NCKAP5L: variants seen among roughly 807,000 people sequenced by gnomAD.
NCKAP5L encodes the protein nck-associated protein 5-like.
NCKAP5L carries 54 observed loss-of-function variants against 103.2 expected under a neutral mutation model. That is an observed-to-expected ratio of 0.52 (90% CI 0.42 to 0.66). NCKAP5L has a LOEUF of 0.66. NCKAP5L is among the 30% of genes least tolerant of loss of function. NCKAP5L has a pLI of 0.00. For missense variants in NCKAP5L, 1,733 were observed against 1,750.6 expected (o/e 0.99, Z 0.18); for synonymous variants, 762 against 748.6 (o/e 1.02, Z -0.29).
In NCKAP5L at chr12:49,795,035, T is replaced by A. The variant is rs753060356; in HGVS notation, c.2825A>T (p.Glu942Val). ...NRRTEATKNK[E>V]GAGGGSPLRR... The stretch of plus-strand genomic sequence containing the variant: ...GAGCGGGGAGCCCCCGCCAGCCCCC[T>A]CCTTGTTCTTGGTGGCCTCTGTGCG... The change falls in exon 8 of 13, where the codon GAG becomes GTG. Residue 942 changes from glutamate (E) to valine (V), a missense_variant. By Grantham distance (121) the Glu-to-Val change is moderately radical. Transcript: ENST00000335999. 6.2e-7 allele frequency: 1 copy of A among 1,609,334 alleles called. No homozygotes were observed. The highest frequency in any genetic ancestry group is 2.2e-5 in the East Asian group (1 of 44,730).
intron 1 of NCKAP5L, among the ~76,000 whole-genome samples, chr12:49,827,246 C>T (rs1946427739): frequency 6.6e-6 from 1 of 152,206 alleles, no homozygotes; most frequent in African/African-American, 2.4e-5. Flanking sequence ...TCTGGCTGAC[C>T]ATTGTGCTTA....
Position 49,797,499 on chromosome 12 carries a change from T to C in NCKAP5L, c.466-105A>G. On this transcript the variant is annotated intron_variant, in intron 7 of 12. Transcript: ENST00000335999. The surrounding 1 kb of genome is among the most constrained non-coding windows in gnomAD (Gnocchi z 4.5). ...TAACAGGGAATGCCAGGAACAGAGC[T>C]GGCCTGGTTGTGTCTGTGTCCCCAA... 1 of 830,008 alleles carries C rather than the reference T, an allele frequency of 1.2e-6. No homozygotes were observed. Among genetic ancestry groups the C allele is most frequent in the East Asian group, 2.7e-5 (1 of 37,524 alleles). The allele number at this position is 830,008 out of a possible 1,614,324, so 51.4% of individuals were successfully genotyped here. A position where few individuals can be genotyped will look rare whatever the true frequency, so the allele number is the denominator to read the frequency against.
chr12:49,820,677 A>G (rs1228228953), intron 1 of NCKAP5L, among the ~76,000 whole-genome samples: 1 of 152,132 alleles, frequency 6.6e-6, no homozygotes, highest in Non-Finnish European at 1.5e-5. Flanking sequence ...TGCCTTCTGC[A>G]CTCAAGCAAC....
chr12:49,793,602 CAGTCTCCCCGTAG>C, intron 9 of NCKAP5L, 119 bp downstream of exon 9: 1 of 1,318,336 alleles, frequency 7.6e-7, no homozygotes, highest in African/African-American at 1.5e-5. Context: ...CTCCCCTCCC[CAGTCTCCCCGTAG>C]AGACTGTGAG....
In NCKAP5L at chr12:49,795,586, C is replaced by T; in HGVS notation, c.2274G>A (p.Gly758=). 2 of 1,560,484 alleles carry T rather than the reference C, an allele frequency of 1.3e-6. No homozygotes were observed. Among genetic ancestry groups the T allele is most frequent in the Non-Finnish European group, 8.7e-7 (1 of 1,155,796 alleles). Residue 758 remains glycine, a synonymous_variant, in exon 8 of 13, where the codon GGG becomes GGA. Coordinates refer to ENST00000335999, the MANE Select transcript of NCKAP5L (RefSeq NM_001037806.4). ...AGACAGGCTCCAGGTCCACCCGGGC[C>T]CCCATGGAGTGAGAGGAGTAGACTC... is the stretch of plus-strand genomic sequence containing the variant. ...GARVYSSHSM[G]ARVDLEPVSP... is the part of the protein sequence containing the mutation.
chr12:49,814,611 C>CA (rs1379624306), intron 1 of NCKAP5L, among the ~76,000 whole-genome samples: 4 of 152,072 alleles, frequency 2.6e-5, no homozygotes, highest in Non-Finnish European at 1.5e-5. Context: ...CTGCTCCTCC[C>CA]ACCCCTCTTC....
Position 49,791,245 on chromosome 12 carries a change from G to C in NCKAP5L, c.*594C>G, listed in dbSNP as rs1204692860. The C allele has an allele frequency of 6.5e-6, 1 of 152,962 alleles. No individual in the cohort carries two copies. The highest frequency in any genetic ancestry group is 2.4e-5 in the African/African-American group (1 of 41,466). 9.5% of individuals were successfully genotyped at this position (152,962 alleles called of 1,614,324 possible). A position where few individuals can be genotyped will look rare whatever the true frequency, so the allele number is the denominator to read the frequency against. On this transcript the variant is annotated 3_prime_UTR_variant, in exon 13 of 13. Coordinates refer to ENST00000335999, the MANE Select transcript of NCKAP5L (RefSeq NM_001037806.4). The stretch of plus-strand genomic sequence containing the variant: ...ACAACACATAAATTAACCGCAGTGC[G>C]GGGCTGGGGGCTGGGGGCTGGGCCA...
Position 49,807,647 on chromosome 12 carries a change from A to G in NCKAP5L, c.-98-1606T>C, listed in dbSNP as rs372445390. On this transcript the variant is annotated intron_variant, in intron 1 of 12. Coordinates refer to ENST00000335999, the MANE Select transcript of NCKAP5L (RefSeq NM_001037806.4). ...TATACAGGCCTGGAAAAAAAATGAA[A>G]AATATTTAAGAATTATCTTCCTTCC... 6.6e-5 allele frequency among the ~76,000 whole-genome samples: 10 copies of G among 152,378 alleles called. No individual in the cohort carries two copies. The South Asian group carries it at 2.1e-3, about 32-fold the overall frequency.
chr12:49,820,167 G>A (rs1255209522), intron 1 of NCKAP5L, among the ~76,000 whole-genome samples: 1 of 152,182 alleles, frequency 6.6e-6, no homozygotes, highest in African/African-American at 2.4e-5. Flanking sequence ...GGTGATGGCA[G>A]AGCTGACCAC....
At position 49,803,136 on chromosome 12, in the gene NCKAP5L, G is replaced by T. The variant is rs375380248; in HGVS notation, c.153C>A (p.Asn51Lys). ...GCTCATAAGTCTCCCGCTGGTTTTC[G>T]TTGGCCTGGGCAAGTGCCGAGTTCT... Reference protein sequence around the residue: ...EAENSALAQANENQRETYERC... With the variant: ...EAENSALAQAKENQRETYERC... The change falls in exon 4 of 13, where the codon AAC (asparagine) becomes AAA (lysine). Residue 51 changes from asparagine (N) to lysine (K), a missense_variant. By Grantham distance (94) the Asn-to-Lys change is moderately conservative. Coordinates refer to ENST00000335999, the MANE Select transcript of NCKAP5L (RefSeq NM_001037806.4). The T allele has an allele frequency of 1.9e-6, 3 of 1,614,128 alleles. No homozygotes were observed. Among genetic ancestry groups the T allele is most frequent in the Non-Finnish European group, 2.5e-6 (3 of 1,180,048 alleles).
At chr12:49,812,683 A>T (rs1946254157) in intron 1 of NCKAP5L, among the ~76,000 whole-genome samples, 1 of 152,120 alleles carries the variant, frequency 6.6e-6, no homozygotes, top group Non-Finnish European at 1.5e-5. Flanking sequence ...CCCAGCCTCC[A>T]TTCCTTTGTA....
chr12:49,807,955 C>T (rs1393017619), intron 1 of NCKAP5L, among the ~76,000 whole-genome samples: 2 of 152,168 alleles, frequency 1.3e-5, no homozygotes, highest in Non-Finnish European at 2.9e-5. Context: ...CGCTAAGGAC[C>T]GGGAAACCCT....
chr12:49,808,735 C>T (rs1438426971), intron 1 of NCKAP5L, among the ~76,000 whole-genome samples: 2 of 152,236 alleles, frequency 1.3e-5, no homozygotes, highest in Non-Finnish European at 2.9e-5. Flanking sequence ...TCAGGACCCA[C>T]AGCTCCTGCT....
Position 49,791,583 on chromosome 12 carries a change from T to C in NCKAP5L, c.*256A>G. On this transcript the variant is annotated 3_prime_UTR_variant, in exon 13 of 13. Transcript: ENST00000335999. ...CGACACAGTGGCCTTTAACCCCCAG[T>C]CCCTTCCAGGAAGAGCCTTACTCTG... 1 of 384,776 alleles carries C rather than the reference T, an allele frequency of 2.6e-6. No individual in the cohort carries two copies. The highest frequency in any genetic ancestry group is 4.6e-6 in the Non-Finnish European group (1 of 215,436). 23.8% of individuals were successfully genotyped at this position (384,776 alleles called of 1,614,324 possible). A position where few individuals can be genotyped will look rare whatever the true frequency, so the allele number is the denominator to read the frequency against.
chr12:49,792,152 G>T lies in NCKAP5L; in HGVS notation c.3793-101C>A. 1 of 1,180,172 alleles carries T rather than the reference G, an allele frequency of 8.5e-7. No individual in the cohort carries two copies. The highest frequency in any genetic ancestry group is 1.5e-5 in the South Asian group (1 of 67,154). The allele number at this position is 1,180,172 out of a possible 1,614,324, so 73.1% of individuals were successfully genotyped here. A position where few individuals can be genotyped will look rare whatever the true frequency, so the allele number is the denominator to read the frequency against. Reference sequence around the variant, plus strand: ...GGGGCGTCTGTGCACCTGATGGGGGGCTGCTCCAGAGGGGGCCCAAGGTGG... The same window carrying T: ...GGGGCGTCTGTGCACCTGATGGGGGTCTGCTCCAGAGGGGGCCCAAGGTGG... On this transcript the variant is annotated intron_variant, in intron 12 of 12. Transcript: ENST00000335999. This position sits in a 1 kb window ranked among gnomAD's most constrained non-coding sequence, Gnocchi z 4.5.
At chr12:49,806,627 C>A (rs571505270) in intron 1 of NCKAP5L, among the ~76,000 whole-genome samples, 1 of 152,320 alleles carries the variant, frequency 6.6e-6, no homozygotes, top group Non-Finnish European at 1.5e-5. Flanking sequence ...GAGGATATTG[C>A]CCAAGTCACA....
rs756865909 is a variant in NCKAP5L, at chr12:49,795,994, A to T, written c.1866T>A (p.Ser622Arg). 4 of 1,536,468 alleles carry T rather than the reference A, an allele frequency of 2.6e-6. No individual in the cohort carries two copies. The highest frequency in any genetic ancestry group is 3.5e-6 in the Non-Finnish European group (4 of 1,148,092). ...SYPYGSPQEK[S>R]LDKAGSESPH... Reference sequence around the variant, plus strand: ...GAGACTCCGAGCCTGCCTTGTCCAAACTCTTCTCTTGGGGGCTCCCATAGG... The same window carrying T: ...GAGACTCCGAGCCTGCCTTGTCCAATCTCTTCTCTTGGGGGCTCCCATAGG... Residue 622 changes from serine (S) to arginine (R), a missense_variant, in exon 8 of 13, where the codon AGT (serine) becomes AGA (arginine). Ser to Arg is a moderately radical substitution (Grantham distance 110). Transcript: ENST00000335999.
rs1202357735 is a variant in NCKAP5L, at chr12:49,792,614, A to G, written c.3650-26T>C. Reference sequence around the variant, plus strand: ...CTGTCCAGGAACAAAGGGAAGGTGGATGGAGCTGCCTGGGCAGCTCCAGGA... The same window carrying G: ...CTGTCCAGGAACAAAGGGAAGGTGGGTGGAGCTGCCTGGGCAGCTCCAGGA... On this transcript the variant is annotated intron_variant, in intron 11 of 12. Coordinates refer to ENST00000335999, the MANE Select transcript of NCKAP5L (RefSeq NM_001037806.4). The surrounding 1 kb of genome is among the most constrained non-coding windows in gnomAD (Gnocchi z 4.5). The G allele has an allele frequency of 4.3e-6, 7 of 1,613,432 alleles. No individual in the cohort carries two copies. Among genetic ancestry groups the G allele is most frequent in the Non-Finnish European group, 5.1e-6 (6 of 1,179,648 alleles).
intron 1 of NCKAP5L, among the ~76,000 whole-genome samples, chr12:49,817,365 T>G (rs1167216376): frequency 6.6e-6 from 1 of 152,102 alleles, no homozygotes; most frequent in Non-Finnish European, 1.5e-5. Context: ...CACAAAAGAA[T>G]TACTTTGATA....
Sources: gnomAD v4.1 joint callset for allele counts (sites outside exome capture counted in the v4.1 genomes callset) on GRCh38, gnomAD v4.1.1 for gene constraint, Gnocchi (gnomAD v3.1) non-coding constraint, MANE v1.5 for transcripts, NCBI Gene and HGNC (gene_info 2026-07-23, HGNC 2026-07-21) for gene names.